CRYBG1: variants seen among roughly 807,000 people sequenced by gnomAD.
The protein encoded by CRYBG1 is crystallin beta-gamma domain containing 1.
A neutral mutation model predicts 189.2 loss-of-function variants in CRYBG1; 139 were observed. The ratio of observed to expected loss-of-function variants is 0.73; its 90% confidence interval spans 0.64 to 0.85. The LOEUF is 0.85. CRYBG1 is among the 40% of genes least tolerant of loss of function. The probability of loss-of-function intolerance (pLI) is 0.00; values close to 1 mark genes in which losing one functional copy is unlikely to be tolerated. For missense variants in CRYBG1, 2,611 were observed against 2,675.8 expected (o/e 0.98, Z 0.53); for synonymous variants, 1,023 against 1,017.1 (o/e 1.01, Z -0.11).
intron 1 of CRYBG1, among the ~76,000 whole-genome samples, chr6:106,391,063 C>T (rs989902975): frequency 6.6e-6 from 1 of 152,076 alleles, no homozygotes; most frequent in Admixed American, 6.6e-5. Context: ...GTTCCAGTTG[C>T]TTGTCAGTTC....
chr6:106,504,039 A>AAC (rs1554186969), intron 2 of CRYBG1, among the ~76,000 whole-genome samples: 4,532 of 144,758 alleles, frequency 0.031, 262 homozygotes, highest in African/African-American at 0.11. Context: ...GAAAAAAAAA[A>AAC]AAAAAAAAAC....
intron 16 of CRYBG1, among the ~76,000 whole-genome samples, chr6:106,554,242 G>C (rs554201896): frequency 6.6e-6 from 1 of 152,274 alleles, no homozygotes; most frequent in African/African-American, 2.4e-5. Context: ...CTTTAATCAC[G>C]TGGTTCTTTA....
Position 106,453,071 on chromosome 6 carries a change from T to C in CRYBG1, c.312+1239T>C, listed in dbSNP as rs1771815858. 2.0e-5 allele frequency among the ~76,000 whole-genome samples: 3 copies of C among 152,196 alleles called. No homozygotes were observed. In the South Asian group the frequency reaches 6.2e-4, roughly 31 times the overall value. The stretch of plus-strand genomic sequence containing the variant: ...CATGAGATAGAAAGAGTTCTGGAGA[T>C]TGGCTGCACAACAATATGAATGTAC... On this transcript the variant is annotated intron_variant, in intron 2 of 21. Coordinates refer to ENST00000633556, the MANE Select transcript of CRYBG1 (RefSeq NM_001371242.2).
intron 1 of CRYBG1, among the ~76,000 whole-genome samples, chr6:106,400,859 G>A (rs2114353868): frequency 6.6e-6 from 1 of 152,304 alleles, no homozygotes; most frequent in South Asian, 2.1e-4. Flanking sequence ...TGTGAACTAA[G>A]TCGCAAAGTA....
intron 1 of CRYBG1, among the ~76,000 whole-genome samples, chr6:106,379,951 T>C (rs2114316924): frequency 6.6e-6 from 1 of 152,358 alleles, no homozygotes; most frequent in East Asian, 1.9e-4. Context: ...ATTCTATATG[T>C]AGAAAATAAT....
intron 1 of CRYBG1, among the ~76,000 whole-genome samples, chr6:106,438,554 C>T (rs1489186199): frequency 1.3e-5 from 2 of 152,160 alleles, no homozygotes; most frequent in African/African-American, 2.4e-5. Context: ...CTCCAGTCTC[C>T]TCCTGCATTG....
chr6:106,408,426 C>A (rs185645445), intron 1 of CRYBG1, among the ~76,000 whole-genome samples: 37 of 152,214 alleles, frequency 2.4e-4, no homozygotes, highest in African/African-American at 8.4e-4. Context: ...GATTCACAGC[C>A]GAATTCTACC....
rs762593017 is a variant in CRYBG1, at chr6:106,512,755, C to G, written c.1638C>G (p.Pro546=). The change falls in exon 3 of 22, where the codon CCC becomes CCG. Residue 546 remains proline, a synonymous_variant. Transcript: ENST00000633556. ...AGGAGTCCCCACCCAAGAGGGTGCC[C>G]GATCCCAGCCCAGTCACCAAGGGCA... ...PAKESPPKRV[P]DPSPVTKGTA... The G allele has an allele frequency of 1.1e-5, 18 of 1,573,334 alleles. No homozygotes were observed. The highest frequency in any genetic ancestry group is 1.2e-5 in the Non-Finnish European group (14 of 1,159,454).
At chr6:106,460,949 G>C (rs988625145) in intron 2 of CRYBG1, among the ~76,000 whole-genome samples, 5 of 152,126 alleles carry the variant, frequency 3.3e-5, no homozygotes, top group Admixed American at 2.6e-4. Context: ...ACCATGCCCA[G>C]CTAATTTTTG....
Position 106,525,172 on chromosome 6 carries a change from C to T in CRYBG1, c.4285C>T (p.Pro1429Ser). The T allele has an allele frequency of 1.2e-6, 2 of 1,614,082 alleles. No homozygotes were observed. Among genetic ancestry groups the T allele is most frequent in the Non-Finnish European group, 1.7e-6 (2 of 1,179,988 alleles). Residue 1429 changes from proline (P) to serine (S), a missense_variant, in exon 5 of 22, where the codon CCT (proline) becomes TCT (serine). Pro to Ser is a moderately conservative substitution (Grantham distance 74). Transcript: ENST00000633556. ...GSVQNKLNPR[P>S]GKVVIYSEPD... ...TGTCCAAAATAAACTCAATCCCCGACCTGGAAAGGTAAGATTATTTTCTGT... is the reference window on the plus strand; with the variant it reads ...TGTCCAAAATAAACTCAATCCCCGATCTGGAAAGGTAAGATTATTTTCTGT...
rs1227424626 is a variant in CRYBG1 at position 106,389,497 on chromosome 6, T to C, written c.173+28416T>C. Among the ~76,000 whole-genome samples the C allele has an allele frequency of 3.9e-5, 6 of 152,258 alleles. 1 individual carries two copies. In the Middle Eastern group the frequency reaches 0.01, roughly 259 times the overall value. ...AGTAGTGTTCCAAAATTTGTCAAAATTGATGTATTCTTTCAAAAATATACT... is the reference window on the plus strand; with the variant it reads ...AGTAGTGTTCCAAAATTTGTCAAAACTGATGTATTCTTTCAAAAATATACT... On this transcript the variant is annotated intron_variant, in intron 1 of 21. Transcript: ENST00000633556.
chr6:106,484,179 T>A (rs1772545347), intron 2 of CRYBG1, among the ~76,000 whole-genome samples: 1 of 152,190 alleles, frequency 6.6e-6, no homozygotes. Flanking sequence ...GGGGGGGCAC[T>A]ATATTTTGTT....
intron 2 of CRYBG1, among the ~76,000 whole-genome samples, chr6:106,499,143 TGTTTGTTTG>T (rs1772927511): frequency 7.8e-6 from 1 of 128,298 alleles, no homozygotes; most frequent in Non-Finnish European, 1.6e-5. Flanking sequence ...TTTGTTTGTT[TGTTTGTTTG>T]TTTGTTTTTT....
At chr6:106,532,377 G>A (rs1266078038) in intron 8 of CRYBG1, among the ~76,000 whole-genome samples, 1 of 152,142 alleles carries the variant, frequency 6.6e-6, no homozygotes, top group African/African-American at 2.4e-5. Context: ...TGCAAGTGCG[G>A]GTATCCTTTG....
intron 10 of CRYBG1, among the ~76,000 whole-genome samples, chr6:106,542,608 CATTTTATTTT>C (rs56795208): frequency 0.22 from 28,251 of 126,372 alleles, 3,493 homozygotes; most frequent in South Asian, 0.29. Flanking sequence ...ATGATTAGAA[CATTTTATTTT>C]ATTTTATTTT....
intron 8 of CRYBG1, among the ~76,000 whole-genome samples, chr6:106,533,699 A>AGACATG (rs1773925041): frequency 6.6e-6 from 1 of 152,130 alleles, no homozygotes; most frequent in South Asian, 2.1e-4. Flanking sequence ...AGGGTTTGGA[A>AGACATG]CCCCAACATT....
At chr6:106,528,827 A>G (rs1773812236) in intron 7 of CRYBG1, among the ~76,000 whole-genome samples, 1 of 152,226 alleles carries the variant, frequency 6.6e-6, no homozygotes, top group Non-Finnish European at 1.5e-5. Context: ...TAGTACATAA[A>G]TGAGGTACCA....
chr6:106,521,978 C>G (rs1773622332), intron 4 of CRYBG1, among the ~76,000 whole-genome samples: 1 of 152,122 alleles, frequency 6.6e-6, no homozygotes, highest in African/African-American at 2.4e-5. Context: ...CGTGATCCAT[C>G]TGCCTCGGCC....
At chr6:106,483,800 G>A (rs1772529842) in intron 2 of CRYBG1, among the ~76,000 whole-genome samples, 2 of 152,002 alleles carry the variant, frequency 1.3e-5, no homozygotes, top group Non-Finnish European at 2.9e-5. Flanking sequence ...AAACCTGTTG[G>A]CCATTTGTAT....
Sources: gnomAD v4.1 joint callset for allele counts (sites outside exome capture counted in the v4.1 genomes callset) on GRCh38, gnomAD v4.1.1 for gene constraint, MANE v1.5 for transcripts, NCBI Gene and HGNC (gene_info 2026-07-23, HGNC 2026-07-21) for gene names.